DPT: variants seen among roughly 807,000 people sequenced by gnomAD.
DPT encodes the protein tyrosine-rich acidic matrix protein.
A neutral mutation model predicts 31.2 loss-of-function variants in DPT; 21 were observed. The ratio of observed to expected loss-of-function variants is 0.67; its 90% confidence interval spans 0.48 to 0.97. The LOEUF is 0.97. Among genes scored for constraint, DPT ranks in the 50% least tolerant of loss-of-function variants. DPT has a pLI of 0.00. For missense variants in DPT, 262 were observed against 258.8 expected, an observed-to-expected ratio of 1.01 and a Z score of -0.08; for synonymous variants, 91 against 86.9, an observed-to-expected ratio of 1.05 and a Z score of -0.26.
chr1:168,722,662 A>G (rs678629), intron 1 of DPT, among the ~76,000 whole-genome samples: 44,985 of 152,074 alleles, frequency 0.3, 7,030 homozygotes, highest in East Asian at 0.52. Context: ...GTTAATGTAC[A>G]TATATTATCT....
At chr1:168,703,597 G>C (rs752744113) in intron 2 of DPT, among the ~76,000 whole-genome samples, 2 of 152,152 alleles carry the variant, frequency 1.3e-5, no homozygotes, top group Non-Finnish European at 2.9e-5. Flanking sequence ...TTTCTTCTTG[G>C]TCCCAGACAG....
intron 1 of DPT, among the ~76,000 whole-genome samples, chr1:168,723,106 A>G (rs1650161519): frequency 6.6e-6 from 1 of 152,240 alleles, no homozygotes. Context: ...GATCTGTCAT[A>G]ACCCTATTCT....
intron 1 of DPT, among the ~76,000 whole-genome samples, chr1:168,718,040 G>T (rs930508105): frequency 6.6e-6 from 1 of 152,212 alleles, no homozygotes; most frequent in African/African-American, 2.4e-5. Flanking sequence ...AGAGAAGGTT[G>T]CCATAAGCTA....
At chr1:168,700,892 TGTGTGTGTGTGTGTGG>T (rs973149626) in intron 3 of DPT, 109 bp downstream of exon 3, 71 of 446,604 alleles carry the variant, frequency 1.6e-4, no homozygotes, top group East Asian at 9.9e-4. Flanking sequence ...GTATTCTACG[TGTGTGTGTGTGTGTGG>T]GTGTGTGTGT....
chr1:168,721,235 C>T (rs1160624783), intron 1 of DPT, among the ~76,000 whole-genome samples: 1 of 152,198 alleles, frequency 6.6e-6, no homozygotes, highest in Non-Finnish European at 1.5e-5. Flanking sequence ...CTGGATTTCT[C>T]TGCTAATTCC....
chr1:168,713,246 C>T (rs1649905500), intron 2 of DPT, among the ~76,000 whole-genome samples: 1 of 152,186 alleles, frequency 6.6e-6, no homozygotes, highest in South Asian at 2.1e-4. Context: ...GAGGTTTCTG[C>T]TCCATCATAC....
chr1:168,714,128 G>A, intron 2 of DPT, 93 bp downstream of exon 2: 5 of 1,557,676 alleles, frequency 3.2e-6, no homozygotes, highest in Non-Finnish European at 4.4e-6. Flanking sequence ...CCAGGCTTGT[G>A]TGTGACCCTC....
intron 1 of DPT, among the ~76,000 whole-genome samples, chr1:168,717,834 C>T (rs1166094694): frequency 6.6e-6 from 1 of 152,132 alleles, no homozygotes; most frequent in Non-Finnish European, 1.5e-5. Flanking sequence ...GTATACTAAT[C>T]ACTTTGTAAA....
chr1:168,718,148 G>A (rs944292550), intron 1 of DPT, among the ~76,000 whole-genome samples: 2 of 152,258 alleles, frequency 1.3e-5, no homozygotes, highest in Non-Finnish European at 2.9e-5. Context: ...TTTCCACGGA[G>A]TTGTTGTTCC....
At chr1:168,715,854 C>T (rs2101907862) in intron 1 of DPT, among the ~76,000 whole-genome samples, 1 of 152,344 alleles carries the variant, frequency 6.6e-6, no homozygotes, top group East Asian at 1.9e-4. Context: ...CCCACCATCC[C>T]AGCCATTGGT....
At chr1:168,722,241 C>A (rs1231187414) in intron 1 of DPT, among the ~76,000 whole-genome samples, 1 of 152,176 alleles carries the variant, frequency 6.6e-6, no homozygotes, top group Non-Finnish European at 1.5e-5. Context: ...AATGCTATCT[C>A]CGTGTCTATT....
At chr1:168,718,642 G>A (rs1650036946) in intron 1 of DPT, among the ~76,000 whole-genome samples, 1 of 152,160 alleles carries the variant, frequency 6.6e-6, no homozygotes, top group African/African-American at 2.4e-5. Context: ...TATGCTGCTG[G>A]ATGGCTCCAC....
chr1:168,720,313 T>C (rs907332554), intron 1 of DPT, among the ~76,000 whole-genome samples: 1 of 152,138 alleles, frequency 6.6e-6, no homozygotes, highest in African/African-American at 2.4e-5. Flanking sequence ...ACAGCTCTGA[T>C]TGGTATGCTG....
Position 168,696,101 on chromosome 1 carries a change from G to T in DPT, c.*448C>A. On this transcript the variant is annotated 3_prime_UTR_variant, in exon 4 of 4. Coordinates refer to ENST00000367817, the MANE Select transcript of DPT (RefSeq NM_001937.5). ...CCTCAGGGCAGAAAGCCTGCTTTTG[G>T]TGGGGAACCTACGTATCATTCAAAC... The T allele has an allele frequency of 2.5e-6, 1 of 400,808 alleles. No homozygotes were observed. The highest frequency in any genetic ancestry group is 1.3e-4 in the South Asian group (1 of 7,730). The allele number at this position is 400,808 out of a possible 1,614,324, so 24.8% of individuals were successfully genotyped here.
chr1:168,700,963 G>T, intron 3 of DPT, 54 bp downstream of exon 3: 3 of 1,225,834 alleles, frequency 2.4e-6, no homozygotes, highest in Non-Finnish European at 2.4e-6. Flanking sequence ...CTTGCAGGGA[G>T]TTAGTCCCAA....
intron 3 of DPT, 74 bp downstream of exon 3, chr1:168,700,943 A>G (rs1649581426): frequency 3.3e-6 from 3 of 913,964 alleles, no homozygotes; most frequent in Non-Finnish European, 3.6e-6. Context: ...AAATTCCTGC[A>G]GGTAAAATCC....
At position 168,696,075 on chromosome 1, in the gene DPT, C is replaced by T; in HGVS notation, c.*474G>A. 1 of 399,068 alleles carries T rather than the reference C, an allele frequency of 2.5e-6. No homozygotes were observed. The allele number at this position is 399,068 out of a possible 1,614,324, so 24.7% of individuals were successfully genotyped here. ...GTGGAGCAGGGGAGTGGGAAGATGT[C>T]CCTCAGGGCAGAAAGCCTGCTTTTG... On this transcript the variant is annotated 3_prime_UTR_variant, in exon 4 of 4. Coordinates refer to ENST00000367817, the MANE Select transcript of DPT (RefSeq NM_001937.5).
chr1:168,712,615 C>A (rs1418693042), intron 2 of DPT, among the ~76,000 whole-genome samples: 2 of 152,174 alleles, frequency 1.3e-5, no homozygotes, highest in Admixed American at 1.3e-4. Flanking sequence ...AAGCTCCTAC[C>A]TACTCTCCCC....
intron 2 of DPT, among the ~76,000 whole-genome samples, chr1:168,704,878 C>G (rs1473679500): frequency 6.6e-6 from 1 of 152,150 alleles, no homozygotes; most frequent in African/African-American, 2.4e-5. Context: ...TCTTGAAGCT[C>G]TAAAATTATT....
Sources: allele counts gnomAD v4.1 joint callset (sites outside exome capture counted in the v4.1 genomes callset), GRCh38; gene constraint gnomAD v4.1.1; transcripts MANE v1.5; gene names NCBI Gene and HGNC (gene_info 2026-07-23, HGNC 2026-07-21).